DLG2: variants seen among roughly 807,000 people sequenced by gnomAD.
The protein encoded by DLG2 is disks large homolog 2.
DLG2 carries 45 observed loss-of-function variants against 132.5 expected under a neutral mutation model. The observed-to-expected ratio is 0.34, with a 90% CI of 0.27 to 0.44. The LOEUF (loss-of-function observed/expected upper bound fraction) is 0.44. Among genes scored for constraint, DLG2 ranks in the 20% least tolerant of loss-of-function variants. DLG2 has a pLI of 1.00. For synonymous variants in DLG2, 424 were observed against 419.6 expected, an observed-to-expected ratio of 1.01 and a Z score of -0.13; for missense variants, 1,045 against 1,196.9, an observed-to-expected ratio of 0.87 and a Z score of 1.87.
At chr11:84,994,159 C>G (rs1566600196) in intron 6 of DLG2, among the ~76,000 whole-genome samples, 1 of 152,048 alleles carries the variant, frequency 6.6e-6, no homozygotes, top group East Asian at 1.9e-4. Context: ...TGGTTTGGGA[C>G]CAAACAATAT....
At chr11:85,440,051 T>C (rs562803622) in intron 3 of DLG2, among the ~76,000 whole-genome samples, 133 of 152,352 alleles carry the variant, frequency 8.7e-4, no homozygotes, top group African/African-American at 3.1e-3. Context: ...GTTACTTATC[T>C]TCTTTGTGCT....
Position 83,984,849 on chromosome 11 carries a change from T to C in DLG2, c.920-4207A>G, listed in dbSNP as rs192532336. Among the ~76,000 whole-genome samples the C allele has an allele frequency of 6.6e-5, 10 of 152,282 alleles. No homozygotes were observed. In the East Asian group the frequency reaches 1.9e-3, roughly 29 times the overall value. On this transcript the variant is annotated intron_variant, in intron 11 of 27. Transcript: ENST00000376104. ...CTTAGTGTTAGGAACATTTTAATTC[T>C]ACTCTTAGTTATTTCGAAATACACA...
intron 5 of DLG2, among the ~76,000 whole-genome samples, chr11:85,123,624 C>T (rs1180963157): frequency 6.6e-6 from 1 of 152,158 alleles, no homozygotes; most frequent in African/African-American, 2.4e-5. Flanking sequence ...AGAGAGTAAA[C>T]ATTTTCCGGG....
intron 7 of DLG2, among the ~76,000 whole-genome samples, chr11:84,527,573 C>T (rs927562924): frequency 6.6e-6 from 1 of 152,142 alleles, no homozygotes; most frequent in Non-Finnish European, 1.5e-5. Context: ...ATTCCAGTCC[C>T]TGTGAAAATT....
At chr11:84,606,469 T>C (rs1189326348) in intron 6 of DLG2, among the ~76,000 whole-genome samples, 1 of 152,186 alleles carries the variant, frequency 6.6e-6, no homozygotes, top group East Asian at 1.9e-4. Flanking sequence ...AACTTTCCTA[T>C]GCTTTCTAAA....
At chr11:85,493,780 G>C (rs1597899154) in intron 3 of DLG2, among the ~76,000 whole-genome samples, 1 of 144,890 alleles carries the variant, frequency 6.9e-6, no homozygotes, top group East Asian at 2.1e-4. Flanking sequence ...GGGAGGGAGG[G>C]AAGGAGGGAG....
intron 3 of DLG2, among the ~76,000 whole-genome samples, chr11:85,537,326 C>T (rs1041599630): frequency 9.9e-5 from 15 of 152,222 alleles, no homozygotes; most frequent in African/African-American, 3.4e-4. Flanking sequence ...TGGCTCAGGT[C>T]ACTTTCCAGG....
intron 6 of DLG2, among the ~76,000 whole-genome samples, chr11:84,592,357 A>G (rs1040578895): frequency 2.6e-5 from 4 of 152,350 alleles, no homozygotes; most frequent in South Asian, 2.1e-4. Flanking sequence ...GACCAGTAGT[A>G]TGCTAGTCTC....
intron 6 of DLG2, among the ~76,000 whole-genome samples, chr11:84,801,713 G>C (rs890229125): frequency 6.6e-6 from 1 of 152,146 alleles, no homozygotes; most frequent in Admixed American, 6.5e-5. Flanking sequence ...GAGGTGTTGT[G>C]ATCATCATAA....
At chr11:84,154,705 T>G (rs1007546248) in intron 9 of DLG2, among the ~76,000 whole-genome samples, 5 of 152,076 alleles carry the variant, frequency 3.3e-5, no homozygotes, top group African/African-American at 1.2e-4. Context: ...GTGTCCATGT[T>G]TTCTCATTGT....
intron 19 of DLG2, among the ~76,000 whole-genome samples, chr11:83,552,155 T>C (rs2096406565): frequency 6.6e-6 from 1 of 152,122 alleles, no homozygotes; most frequent in Non-Finnish European, 1.5e-5. Context: ...AATAGTATGA[T>C]AGGTTAGGAG....
At chr11:84,894,894 GATTCT>G (rs386755724) in intron 6 of DLG2, among the ~76,000 whole-genome samples, 42,492 of 151,900 alleles carry the variant, frequency 0.28, 6,257 homozygotes, top group Non-Finnish European at 0.3. Flanking sequence ...ACCCCTTGCG[GATTCT>G]GAGCCAGCTT....
intron 21 of DLG2, among the ~76,000 whole-genome samples, chr11:83,493,105 C>T (rs945970513): frequency 2.6e-5 from 4 of 152,016 alleles, no homozygotes; most frequent in African/African-American, 9.7e-5. Flanking sequence ...CCACATTGGC[C>T]TTGTTGCTTT....
In DLG2 at chr11:85,114,466, C is replaced by T. The variant is rs149822376; in HGVS notation, c.283-2731G>A. Among the ~76,000 whole-genome samples, 18 of 152,116 alleles carry T rather than the reference C, an allele frequency of 1.2e-4. No homozygotes were observed. In the East Asian group the frequency reaches 3.3e-3, roughly 28 times the overall value. ...TTTCCCACCTTCCTTCTGTCTCATTCATCTATCCAGGATGTTTATACCTGT... is the reference window on the plus strand; with the variant it reads ...TTTCCCACCTTCCTTCTGTCTCATTTATCTATCCAGGATGTTTATACCTGT... On this transcript the variant is annotated intron_variant, in intron 5 of 27. Coordinates refer to ENST00000376104, the MANE Select transcript of DLG2 (RefSeq NM_001142699.3).
At chr11:85,583,088 A>ATGTGTGTGTG (rs3068389) in intron 3 of DLG2, among the ~76,000 whole-genome samples, 7 of 29,850 alleles carry the variant, frequency 2.3e-4, no homozygotes, top group African/African-American at 7.7e-4. Context: ...AATATATGTG[A>ATGTGTGTGTG]TGTGTGTGTG....
At chr11:84,373,991 A>G (rs2154430719) in intron 7 of DLG2, among the ~76,000 whole-genome samples, 1 of 152,292 alleles carries the variant, frequency 6.6e-6, no homozygotes, top group Non-Finnish European at 1.5e-5. Flanking sequence ...ACTTTACATG[A>G]ACACATTTGC....
intron 4 of DLG2, among the ~76,000 whole-genome samples, chr11:85,189,062 A>G (rs1348652707): frequency 2.0e-5 from 3 of 152,196 alleles, no homozygotes; most frequent in Non-Finnish European, 4.4e-5. Context: ...TGTTGAAAGA[A>G]AAAGAGAAAA....
chr11:84,653,794 T>C (rs1761105675), intron 6 of DLG2, among the ~76,000 whole-genome samples: 1 of 152,192 alleles, frequency 6.6e-6, no homozygotes, highest in South Asian at 2.1e-4. Flanking sequence ...AGGCATTCTC[T>C]TGGCTCTTTC....
chr11:84,859,441 TATACATAC>T (rs1269568820), intron 6 of DLG2, among the ~76,000 whole-genome samples: 1 of 145,466 alleles, frequency 6.9e-6, no homozygotes, highest in Non-Finnish European at 1.5e-5. Flanking sequence ...TATATGTATA[TATACATAC>T]ATATATACAT....
Sources: gnomAD v4.1 joint callset for allele counts (sites outside exome capture counted in the v4.1 genomes callset) on GRCh38, gnomAD v4.1.1 for gene constraint, MANE v1.5 for transcripts, NCBI Gene and HGNC (gene_info 2026-07-23, HGNC 2026-07-21) for gene names.